Variants in OR52I2 observed in about 807,000 individuals in gnomAD.
OR52I2 encodes olfactory receptor family 52 subfamily I member 2.
For synonymous variants in OR52I2, 147 were observed against 151.9 expected (o/e 0.97, Z 0.24); for missense variants, 350 against 402.4 (o/e 0.87, Z 1.11).
At chr11:4,587,923 T>C in exon 2 of OR52I2, 2 of 1,369,664 alleles carry the variant, frequency 1.5e-6, no homozygotes, top group Non-Finnish European at 2.1e-6. Context: ...TCTGCAGAGC[T>C]TAGTTTACCT....
exon 1 of OR52I2, chr11:4,581,784 C>T (rs1350679387): frequency 1.3e-5 from 2 of 152,154 alleles, no homozygotes; most frequent in African/African-American, 4.8e-5. Flanking sequence ...TGTACAAATC[C>T]CTCTTCTTCT....
At chr11:4,590,690 T>C (rs994331098) in exon 2 of OR52I2, 1 of 152,162 alleles carries the variant, frequency 6.6e-6, no homozygotes, top group Admixed American at 6.5e-5. Context: ...TATGCAGCCC[T>C]TTATGCAATA....
chr11:4,592,555 C>T (rs187406830), exon 2 of OR52I2: 1 of 152,128 alleles, frequency 6.6e-6, no homozygotes, highest in Non-Finnish European at 1.5e-5. Flanking sequence ...AGGAAGGAGC[C>T]TCCCCTTGTA....
intron 1 of OR52I2, among the ~76,000 whole-genome samples, chr11:4,586,414 C>A (rs960635517): frequency 2.6e-5 from 4 of 152,108 alleles, no homozygotes; most frequent in African/African-American, 2.4e-5. Context: ...GGAAACTTAA[C>A]CATAATAAAC....
intron 1 of OR52I2, among the ~76,000 whole-genome samples, chr11:4,585,044 T>C (rs190771573): frequency 6.6e-6 from 1 of 152,324 alleles, no homozygotes; most frequent in East Asian, 1.9e-4. Flanking sequence ...ATCTCTATGA[T>C]GTATGTACTA....
At chr11:4,587,349 C>T (rs1846312823) in exon 2 of OR52I2, 2 of 1,613,010 alleles carry the variant, frequency 1.2e-6, no homozygotes, top group Non-Finnish European at 1.7e-6. Flanking sequence ...TGGCCATCAC[C>T]ATCAGAGCTA....
exon 2 of OR52I2, chr11:4,592,439 A>G (rs765630443): frequency 2.0e-5 from 3 of 152,188 alleles, no homozygotes; most frequent in East Asian, 1.9e-4. Context: ...TGAGTAGGGT[A>G]CACAAAAGTA....
chr11:4,587,571 G>C, exon 2 of OR52I2: 1 of 1,614,030 alleles, frequency 6.2e-7, no homozygotes, highest in Non-Finnish European at 8.5e-7. Context: ...TAATTCTCAA[G>C]GCAGTATTTG....
At chr11:4,591,449 A>G (rs534987962) in exon 2 of OR52I2, 12 of 152,348 alleles carry the variant, frequency 7.9e-5, no homozygotes, top group African/African-American at 2.2e-4. Flanking sequence ...TGAGCGATAT[A>G]TGACTACTGT....
chr11:4,585,184 C>T lies in OR52I2; in HGVS notation c.-19-1688C>T, dbSNP rs116803584. On this transcript the variant is annotated intron_variant, in intron 1 of 1. Coordinates refer to ENST00000641896, the Ensembl canonical transcript of OR52I2. ...GTATGAATCTAGAACCAATACTTTT[C>T]GACTCTTCGCTATCCTGCCTCTTGA... Among the ~76,000 whole-genome samples the T allele has an allele frequency of 3.9e-3, 594 of 152,192 alleles. 3 individuals are homozygous for T. The highest frequency in any genetic ancestry group is 0.013 in the African/African-American group (547 of 41,532).
At chr11:4,590,719 G>A (rs1035627451) in exon 2 of OR52I2, 2 of 152,176 alleles carry the variant, frequency 1.3e-5, no homozygotes, top group African/African-American at 4.8e-5. Flanking sequence ...GTCTGAGTTT[G>A]TTGCATCCAG....
intron 1 of OR52I2, among the ~76,000 whole-genome samples, chr11:4,582,316 G>A (rs116389802): frequency 0.01 from 1,541 of 151,862 alleles, 18 homozygotes; most frequent in Middle Eastern, 0.034. Context: ...ATTTCAACTT[G>A]AATTATGTAC....
intron 1 of OR52I2, among the ~76,000 whole-genome samples, chr11:4,584,985 T>C (rs1846288195): frequency 6.6e-6 from 1 of 152,228 alleles, no homozygotes. Flanking sequence ...CTAAGCACCA[T>C]GCATCATGCT....
chr11:4,584,992 T>C (rs530350122), intron 1 of OR52I2, among the ~76,000 whole-genome samples: 6 of 152,346 alleles, frequency 3.9e-5, no homozygotes, highest in Middle Eastern at 3.4e-3. Flanking sequence ...CCATGCATCA[T>C]GCTAAGCATT....
exon 2 of OR52I2, chr11:4,587,507 G>A: frequency 1.2e-6 from 2 of 1,614,182 alleles, no homozygotes. Flanking sequence ...AGTCTGATTG[G>A]TTCCTCTCTT....
At chr11:4,593,176 A>G (rs1432510408) in exon 2 of OR52I2, 3 of 152,482 alleles carry the variant, frequency 2.0e-5, no homozygotes, top group African/African-American at 7.2e-5. Flanking sequence ...TCTTGTTTGG[A>G]ACATCTTGGT....
chr11:4,587,458 A>C (rs534097312), exon 2 of OR52I2: 1 of 1,614,222 alleles, frequency 6.2e-7, no homozygotes, highest in East Asian at 2.2e-5. Flanking sequence ...AGCTTTGGCC[A>C]GGTTAGCATG....
exon 2 of OR52I2, chr11:4,588,605 C>G (rs1056016765): frequency 1.3e-5 from 2 of 152,246 alleles, no homozygotes; most frequent in Non-Finnish European, 2.9e-5. Context: ...CTTCCTTGCC[C>G]TCCCCTACAT....
Position 4,586,873 on chromosome 11 carries a change from A to T in OR52I2, c.-18A>T. The T allele has an allele frequency of 6.2e-7, 1 of 1,614,080 alleles. No homozygotes were observed. Among genetic ancestry groups the T allele is most frequent in the Non-Finnish European group, 8.5e-7 (1 of 1,179,956 alleles). ...CATACATCATTTGTGCATTAACAGG[A>T]AAAAAGTCTCACTTGTGATGCTGGG... On this transcript the variant is annotated splice_region_variant and 5_prime_UTR_variant, in exon 2 of 2. An upstream open reading frame in the 5' UTR gains an earlier in-frame stop. Transcript: ENST00000641896.
Sources: gnomAD v4.1 joint callset for allele counts (sites outside exome capture counted in the v4.1 genomes callset) on GRCh38, gnomAD v4.1.1 for gene constraint, MANE v1.5 for transcripts, NCBI Gene and HGNC (gene_info 2026-07-23, HGNC 2026-07-21) for gene names.